The following OTOGL variants were observed in gnomAD, a reference collection of about 807,000 sequenced individuals.
OTOGL encodes otogelin-like protein.
In OTOGL, 285 loss-of-function variants were observed where a neutral mutation model predicts 318.5. That is an observed-to-expected ratio of 0.89 (90% CI 0.81 to 0.99). The LOEUF is 0.99. OTOGL is among the 50% of genes least tolerant of loss of function. OTOGL has a pLI of 0.00. For missense variants in OTOGL, 2,899 were observed against 2,845.6 expected, an observed-to-expected ratio of 1.02 and a Z score of -0.43; for synonymous variants, 987 against 936.5, an observed-to-expected ratio of 1.05 and a Z score of -0.99.
In OTOGL at chr12:80,357,331, G is replaced by A. The variant is rs567881142; in HGVS notation, c.6019+417G>A. Among the ~76,000 whole-genome samples, 10 of 152,218 alleles carry A rather than the reference G, an allele frequency of 6.6e-5. No individual in the cohort carries two copies. In the East Asian group the frequency reaches 1.9e-3, roughly 29 times the overall value. ...TGATCTCAAAAAAGAATGGCAGAAA[G>A]AAAGAGTGACTGGAAAATGACTGGA... On this transcript the variant is annotated intron_variant, in intron 49 of 58. Coordinates refer to ENST00000547103, the MANE Select transcript of OTOGL (RefSeq NM_001378609.3).
In OTOGL at chr12:80,222,392, A is replaced by G. The variant is rs540684744; in HGVS notation, c.489+147A>G. 8.9e-5 allele frequency: 77 copies of G among 862,776 alleles called. 1 individual carries two copies. The South Asian group carries it at 1.6e-3, about 18-fold the overall frequency. The allele number at this position is 862,776 out of a possible 1,614,324, so 53.4% of individuals were successfully genotyped here. On this transcript the variant is annotated intron_variant, in intron 7 of 58. Coordinates refer to ENST00000547103, the MANE Select transcript of OTOGL (RefSeq NM_001378609.3). ...GAGGGTCTGGGTTCAGTTACGAACC[A>G]TATTACTCACACTTCCTTCCTTCCT...
At chr12:80,238,244 G>C (rs907443375) in intron 9 of OTOGL, among the ~76,000 whole-genome samples, 11 of 152,110 alleles carry the variant, frequency 7.2e-5, no homozygotes, top group Non-Finnish European at 1.3e-4. Context: ...TCTTTCCTGA[G>C]CATGTTTCAA....
intron 20 of OTOGL, chr12:80,266,224 T>C: frequency 1.9e-6 from 1 of 523,226 alleles, no homozygotes. Flanking sequence ...TTTGCGAAGC[T>C]GAAAATACTT....
chr12:80,149,460 G>A (rs1872628101), intron 1 of OTOGL, among the ~76,000 whole-genome samples: 2 of 152,184 alleles, frequency 1.3e-5, no homozygotes, highest in Non-Finnish European at 2.9e-5. Flanking sequence ...GAGAACCACT[G>A]CTCTCTTCAA....
chr12:80,336,895 AT>A lies in OTOGL; in HGVS notation c.4768-10del. On this transcript the variant is annotated splice_polypyrimidine_tract_variant and intron_variant, in intron 41 of 58. Coordinates refer to ENST00000547103, the MANE Select transcript of OTOGL (RefSeq NM_001378609.3). ...TTGTGTTTAACTCCGTAAAGTTTTA[AT>A]TTTTTTCAAATTAAGGCTCCCTCTG... is the stretch of plus-strand genomic sequence containing the variant. 2 of 1,558,538 alleles carry A rather than the reference AT, an allele frequency of 1.3e-6. No individual in the cohort carries two copies. Among genetic ancestry groups the A allele is most frequent in the Non-Finnish European group, 1.7e-6 (2 of 1,148,974 alleles).
chr12:80,180,489 G>A (rs1874845257), intron 1 of OTOGL, among the ~76,000 whole-genome samples: 1 of 152,172 alleles, frequency 6.6e-6, no homozygotes, highest in African/African-American at 2.4e-5. Flanking sequence ...GTTTGCAAAG[G>A]CCTCTGCAGT....
At chr12:80,249,140 C>T (rs998483866) in intron 11 of OTOGL, among the ~76,000 whole-genome samples, 109 of 147,234 alleles carry the variant, frequency 7.4e-4, no homozygotes, top group Admixed American at 1.9e-3. Flanking sequence ...GTAATTTGAT[C>T]GTCTGAAGCC....
chr12:80,341,408 T>C (rs1361984085), intron 43 of OTOGL, among the ~76,000 whole-genome samples: 1 of 152,178 alleles, frequency 6.6e-6, no homozygotes, highest in Non-Finnish European at 1.5e-5. Flanking sequence ...CCTGGAACAG[T>C]TGCTAATGCA....
intron 44 of OTOGL, among the ~76,000 whole-genome samples, chr12:80,351,797 C>G (rs543304932): frequency 5.3e-5 from 8 of 151,894 alleles, no homozygotes; most frequent in Non-Finnish European, 1.0e-4. Context: ...GGAACATATT[C>G]TATAGGAAAA....
intron 58 of OTOGL, 30 bp from the exon 59 acceptor site, chr12:80,377,818 G>T (rs1371641864): frequency 6.6e-7 from 1 of 1,524,554 alleles, no homozygotes; most frequent in Non-Finnish European, 9.0e-7. Flanking sequence ...AAAAGTTTAA[G>T]ACTTTTTTTC....
chr12:80,239,114 G>A, intron 10 of OTOGL, 136 bp downstream of exon 10: 6 of 1,144,662 alleles, frequency 5.2e-6, no homozygotes, highest in Non-Finnish European at 7.0e-6. Flanking sequence ...AATTGCAATA[G>A]GAAATCACCT....
intron 1 of OTOGL, chr12:80,132,121 G>A (rs916802551): frequency 4.6e-5 from 7 of 152,188 alleles, no homozygotes; most frequent in African/African-American, 1.7e-4. Context: ...CTTTCCAGGT[G>A]AGTCTGATGT....
intron 1 of OTOGL, among the ~76,000 whole-genome samples, chr12:80,190,071 A>T (rs993244332): frequency 2.0e-5 from 3 of 152,122 alleles, no homozygotes; most frequent in African/African-American, 7.2e-5. Context: ...ATTGCATTTT[A>T]ATTAGGATAC....
rs1891361511 is a variant in OTOGL, at chr12:80,379,682, C to A, written c.*1634C>A. On this transcript the variant is annotated 3_prime_UTR_variant, in exon 59 of 59. Coordinates refer to ENST00000547103, the MANE Select transcript of OTOGL (RefSeq NM_001378609.3). ...AGAAGTAACTAATGTTGTATATTATCTATTGCCCATTTTTATTTCCATTTT... is the reference window on the plus strand; with the variant it reads ...AGAAGTAACTAATGTTGTATATTATATATTGCCCATTTTTATTTCCATTTT... 6.6e-6 allele frequency: 1 copy of A among 151,758 alleles called. No individual in the cohort carries two copies. The highest frequency in any genetic ancestry group is 2.4e-5 in the African/African-American group (1 of 41,366). The allele number at this position is 151,758 out of a possible 1,614,324, so 9.4% of individuals were successfully genotyped here. A position where few individuals can be genotyped will look rare whatever the true frequency, so the allele number is the denominator to read the frequency against.
At chr12:80,205,327 A>G (rs1876737517) in intron 1 of OTOGL, among the ~76,000 whole-genome samples, 1 of 152,226 alleles carries the variant, frequency 6.6e-6, no homozygotes, top group African/African-American at 2.4e-5. Context: ...CAAGGTATCA[A>G]TTAGATATTA....
At chr12:80,151,973 C>T (rs569837426) in intron 1 of OTOGL, among the ~76,000 whole-genome samples, 6 of 152,208 alleles carry the variant, frequency 3.9e-5, no homozygotes, top group African/African-American at 1.2e-4. Context: ...TATTGTTTTT[C>T]GGACAAGGAA....
Position 80,328,757 on chromosome 12 carries a change from G to A in OTOGL, c.4279+13G>A, listed in dbSNP as rs376435404. ...TATCCACGAGACTGTAAGTGTGAAC[G>A]TTGCTTAATTTACTCTGAAAAATTA... On this transcript the variant is annotated intron_variant, in intron 36 of 58. Transcript: ENST00000547103. 869 of 1,571,948 alleles carry A rather than the reference G, an allele frequency of 5.5e-4. 6 individuals carry two copies. In the South Asian group the frequency reaches 6.0e-3, roughly 11 times the overall value.
chr12:80,106,029 C>A (rs1175036263), intron 1 of OTOGL, among the ~76,000 whole-genome samples: 1 of 151,898 alleles, frequency 6.6e-6, no homozygotes, highest in Non-Finnish European at 1.5e-5. Context: ...TCACTAAAAA[C>A]AAAAAGGAAT....
chr12:80,116,028 T>C (rs1870138344), intron 1 of OTOGL, among the ~76,000 whole-genome samples: 1 of 152,130 alleles, frequency 6.6e-6, no homozygotes, highest in Admixed American at 6.5e-5. Context: ...CTTGGTTCCC[T>C]GGCTTCTGCC....
Sources: gnomAD v4.1 joint callset for allele counts (sites outside exome capture counted in the v4.1 genomes callset) on GRCh38, gnomAD v4.1.1 for gene constraint, MANE v1.5 for transcripts, NCBI Gene and HGNC (gene_info 2026-07-23, HGNC 2026-07-21) for gene names.